Variants in UVRAG observed in about 807,000 individuals in gnomAD.
UVRAG encodes UV radiation resistance associated.
Under a neutral mutation model 78.0 loss-of-function variants are expected in UVRAG, and 19 were observed. The observed-to-expected ratio is 0.24, with a 90% CI of 0.17 to 0.36. The LOEUF (loss-of-function observed/expected upper bound fraction) is 0.36, where lower values mean the gene tolerates loss of function less well. Ranked by LOEUF, UVRAG falls within the 10% of genes least tolerant of loss-of-function variation. The pLI, the probability that UVRAG is intolerant of heterozygous loss-of-function variation, is 1.00. For missense variants in UVRAG, 740 were observed against 853.8 expected (o/e 0.87, Z 1.66); for synonymous variants, 323 against 324.6 (o/e 1.00, Z 0.05).
chr11:76,065,590 G>A (rs1292873110), intron 12 of UVRAG, 120 bp from the exon 13 acceptor site: 2 of 749,714 alleles, frequency 2.7e-6, no homozygotes, highest in South Asian at 1.8e-5. Context: ...CTATAGCTAG[G>A]TGACTTAGTC....
At chr11:75,971,178 A>G (rs973069455) in intron 7 of UVRAG, among the ~76,000 whole-genome samples, 1 of 152,158 alleles carries the variant, frequency 6.6e-6, no homozygotes, top group African/African-American at 2.4e-5. Context: ...TGATGGGTTG[A>G]TAGCTCATTT....
chr11:76,043,062 G>A (rs1950680966), intron 12 of UVRAG, among the ~76,000 whole-genome samples: 1 of 152,210 alleles, frequency 6.6e-6, no homozygotes, highest in Non-Finnish European at 1.5e-5. Flanking sequence ...ACTAATGGAG[G>A]AAGGGGGAGT....
rs758270783 is a variant in UVRAG at position 76,140,823 on chromosome 11, C to T, written c.1510C>T (p.Arg504Ter). ...GGIPSPDKGH[R>*]KRASSENERL... ...GATCCCTTCACCAGACAAAGGACAT[C>T]GAAAACGGGCCAGCTCTGAGAATGA... The change falls in exon 15 of 15, where the codon CGA (arginine) becomes TGA (stop). Residue 504 changes from arginine (R) to a stop codon, truncating the protein, a stop_gained. Coordinates refer to ENST00000356136, the MANE Select transcript of UVRAG (RefSeq NM_003369.4). LOFTEE classifies it high-confidence loss of function. The T allele has an allele frequency of 3.7e-6, 6 of 1,614,100 alleles. No individual in the cohort carries two copies. Among genetic ancestry groups the T allele is most frequent in the Non-Finnish European group, 5.1e-6 (6 of 1,180,026 alleles).
intron 6 of UVRAG, among the ~76,000 whole-genome samples, chr11:75,929,630 T>A (rs1386444824): frequency 6.6e-6 from 1 of 152,166 alleles, no homozygotes; most frequent in East Asian, 1.9e-4. Context: ...CATCTTCTAT[T>A]ATAAAATTTT....
intron 8 of UVRAG, among the ~76,000 whole-genome samples, chr11:75,985,940 G>T (rs1328801724): frequency 1.3e-5 from 2 of 152,002 alleles, no homozygotes; most frequent in African/African-American, 4.8e-5. Context: ...GTTATAATAG[G>T]TGTTGATATC....
chr11:75,828,489 G>A lies in UVRAG; in HGVS notation c.117+12965G>A, dbSNP rs80301044. ...ACACCAGTCTGATGATGATGATAAT[G>A]ATTAATTAATTTTCGGAGACAAGGT... is the stretch of plus-strand genomic sequence containing the variant. On this transcript the variant is annotated intron_variant, in intron 1 of 14. Transcript: ENST00000356136. 6.5e-3 allele frequency among the ~76,000 whole-genome samples: 962 copies of A among 147,696 alleles called. 20 individuals carry two copies. Among genetic ancestry groups the A allele is most frequent in the East Asian group, 0.062 (312 of 5,020 alleles).
intron 6 of UVRAG, among the ~76,000 whole-genome samples, chr11:75,913,936 T>C (rs1005783955): frequency 6.6e-6 from 1 of 152,222 alleles, no homozygotes; most frequent in Non-Finnish European, 1.5e-5. Context: ...TTTCAGACTC[T>C]TCAGATGTGT....
At chr11:75,864,488 G>A (rs150129376) in intron 3 of UVRAG, among the ~76,000 whole-genome samples, 82 of 152,370 alleles carry the variant, frequency 5.4e-4, no homozygotes, top group South Asian at 1.0e-3. Context: ...GAGATGGCAC[G>A]TTGTTACTGC....
At chr11:75,912,516 T>C (rs1947761734) in intron 6 of UVRAG, among the ~76,000 whole-genome samples, 1 of 152,260 alleles carries the variant, frequency 6.6e-6, no homozygotes, top group Admixed American at 6.5e-5. Context: ...GCCTCAGCTC[T>C]ATATTTTCAT....
chr11:76,004,062 A>G lies in UVRAG; in HGVS notation c.884A>G (p.Glu295Gly), dbSNP rs1042202510. Residue 295 changes from glutamate to glycine, a missense_variant, in exon 9 of 15, where the codon GAG becomes GGG. Coordinates refer to ENST00000356136, the MANE Select transcript of UVRAG (RefSeq NM_003369.4). Reference protein sequence around the residue: ...KLQLQKESLNELRKECTAKRE... With the variant: ...KLQLQKESLNGLRKECTAKRE... Reference sequence around the variant, plus strand: ...CAACTCCAGAAGGAATCCCTAAATGAGCTGAGGAAGGAGTGCACTGCAAAA... The same window carrying G: ...CAACTCCAGAAGGAATCCCTAAATGGGCTGAGGAAGGAGTGCACTGCAAAA... The G allele has an allele frequency of 2.2e-5, 36 of 1,613,990 alleles. No individual in the cohort carries two copies. The highest frequency in any genetic ancestry group is 3.1e-5 in the Non-Finnish European group (36 of 1,179,920).
At chr11:75,878,096 T>C (rs558240677) in intron 3 of UVRAG, among the ~76,000 whole-genome samples, 140 of 147,408 alleles carry the variant, frequency 9.5e-4, no homozygotes, top group African/African-American at 3.4e-3. Flanking sequence ...GGCTCCTCAC[T>C]TCTCAGATGG....
intron 1 of UVRAG, among the ~76,000 whole-genome samples, chr11:75,817,056 T>C (rs1945275520): frequency 6.6e-6 from 1 of 151,982 alleles, no homozygotes; most frequent in Admixed American, 6.6e-5. Context: ...TTGAGGGTAG[T>C]GGGGGTTTGG....
intron 12 of UVRAG, among the ~76,000 whole-genome samples, chr11:76,050,630 T>C (rs567496954): frequency 6.6e-6 from 1 of 152,126 alleles, no homozygotes; most frequent in Non-Finnish European, 1.5e-5. Flanking sequence ...CACTTACAGA[T>C]AGGAGTGGAG....
chr11:76,022,698 A>G (rs1049758620), intron 12 of UVRAG, among the ~76,000 whole-genome samples: 4 of 152,174 alleles, frequency 2.6e-5, no homozygotes, highest in Admixed American at 2.6e-4. Flanking sequence ...TAGTTGGAGC[A>G]TGCCTTTTAT....
At chr11:76,067,893 T>C (rs1335062446) in intron 13 of UVRAG, among the ~76,000 whole-genome samples, 1 of 152,164 alleles carries the variant, frequency 6.6e-6, no homozygotes, top group African/African-American at 2.4e-5. Context: ...ACTGGCATCA[T>C]TTAGTAGAAC....
chr11:76,109,014 GA>G (rs1339281805), intron 13 of UVRAG, among the ~76,000 whole-genome samples: 1 of 152,160 alleles, frequency 6.6e-6, no homozygotes, highest in Non-Finnish European at 1.5e-5. Flanking sequence ...TCCACTTAAA[GA>G]CTGCTTAGAC....
At chr11:76,043,976 A>C (rs1198824201) in intron 12 of UVRAG, among the ~76,000 whole-genome samples, 2 of 152,140 alleles carry the variant, frequency 1.3e-5, no homozygotes, top group Non-Finnish European at 2.9e-5. Context: ...ACTTAAATAA[A>C]ATTTTATTTT....
intron 14 of UVRAG, among the ~76,000 whole-genome samples, chr11:76,138,736 G>A (rs1952643953): frequency 6.6e-6 from 1 of 152,222 alleles, no homozygotes; most frequent in East Asian, 1.9e-4. Context: ...AGTGTTCCGG[G>A]CTGTTTCACC....
chr11:76,073,540 GATA>G (rs1366949530), intron 13 of UVRAG, among the ~76,000 whole-genome samples: 1 of 152,100 alleles, frequency 6.6e-6, no homozygotes, highest in Admixed American at 6.6e-5. Context: ...GATTGGTAGT[GATA>G]ATAACACATG....
Sources: gnomAD v4.1 joint callset for allele counts (sites outside exome capture counted in the v4.1 genomes callset) on GRCh38, gnomAD v4.1.1 for gene constraint, MANE v1.5 for transcripts, NCBI Gene and HGNC (gene_info 2026-07-23, HGNC 2026-07-21) for gene names.